Variants in GKAP1 observed in about 807,000 individuals in gnomAD.
GKAP1 encodes the protein G kinase anchoring protein 1.
A neutral mutation model predicts 56.7 loss-of-function variants in GKAP1; 31 were observed. The ratio of observed to expected loss-of-function variants is 0.55; its 90% CI spans 0.41 to 0.74. GKAP1 has a LOEUF of 0.74. Among genes scored for constraint, GKAP1 ranks in the 30% least tolerant of loss-of-function variants. The probability of loss-of-function intolerance (pLI) is 0.00; values close to 1 mark genes in which losing one functional copy is unlikely to be tolerated. For missense variants in GKAP1, 364 were observed against 402.3 expected (o/e 0.90, Z 0.82); for synonymous variants, 151 against 138.6 (o/e 1.09, Z -0.63).
intron 2 of GKAP1, among the ~76,000 whole-genome samples, chr9:83,813,229 T>C (rs1463222362): frequency 1.3e-5 from 2 of 152,250 alleles, no homozygotes; most frequent in Non-Finnish European, 2.9e-5. Flanking sequence ...TAGATGCTTC[T>C]ATGCTTAGAC....
intron 2 of GKAP1, among the ~76,000 whole-genome samples, chr9:83,808,718 G>A (rs181625090): frequency 6.6e-6 from 1 of 152,314 alleles, no homozygotes; most frequent in Non-Finnish European, 1.5e-5. Flanking sequence ...TTAATTGCAA[G>A]TGGCAGCTGT....
At chr9:83,774,045 T>C (rs898221908) in intron 7 of GKAP1, among the ~76,000 whole-genome samples, 2 of 151,982 alleles carry the variant, frequency 1.3e-5, no homozygotes, top group Non-Finnish European at 2.9e-5. Flanking sequence ...AATTTTTCTA[T>C]CTTTAGTAGA....
intron 9 of GKAP1, among the ~76,000 whole-genome samples, chr9:83,751,973 C>T (rs981202140): frequency 2.0e-5 from 3 of 152,090 alleles, no homozygotes; most frequent in East Asian, 1.9e-4. Context: ...TAGGTATGTA[C>T]ATACCCAAAA....
intron 2 of GKAP1, among the ~76,000 whole-genome samples, chr9:83,809,327 TC>T (rs1218564118): frequency 6.6e-6 from 1 of 152,236 alleles, no homozygotes; most frequent in Non-Finnish European, 1.5e-5. Context: ...AAGCCTCTGT[TC>T]CAGTCACTTC....
chr9:83,769,003 C>A (rs1943711650), intron 7 of GKAP1, 33 bp from the exon 8 acceptor site: 1 of 1,567,772 alleles, frequency 6.4e-7, no homozygotes, highest in Non-Finnish European at 8.7e-7. Flanking sequence ...TACTATCATT[C>A]AACATGCACT....
chr9:83,752,351 G>C (rs2131240472), intron 9 of GKAP1, among the ~76,000 whole-genome samples: 1 of 152,372 alleles, frequency 6.6e-6, no homozygotes, highest in Non-Finnish European at 1.5e-5. Context: ...AGGAGGTGGA[G>C]GTTGTGGTGA....
At chr9:83,765,859 G>A (rs1943654605) in intron 8 of GKAP1, among the ~76,000 whole-genome samples, 1 of 152,206 alleles carries the variant, frequency 6.6e-6, no homozygotes, top group Non-Finnish European at 1.5e-5. Context: ...AGGCAGAAGG[G>A]ACTTGCCTTA....
intron 8 of GKAP1, among the ~76,000 whole-genome samples, chr9:83,754,356 T>C (rs1307622218): frequency 1.3e-5 from 2 of 152,220 alleles, no homozygotes; most frequent in East Asian, 3.8e-4. Flanking sequence ...AGAATATAAA[T>C]GGTTCTATTT....
chr9:83,808,030 T>C (rs1180124145), intron 2 of GKAP1, among the ~76,000 whole-genome samples: 1 of 152,222 alleles, frequency 6.6e-6, no homozygotes, highest in Non-Finnish European at 1.5e-5. Context: ...GAAGATGCCA[T>C]CTAGTCGTCA....
chr9:83,790,176 G>A (rs994065172), intron 4 of GKAP1, among the ~76,000 whole-genome samples: 3 of 152,066 alleles, frequency 2.0e-5, no homozygotes, highest in East Asian at 1.9e-4. Flanking sequence ...AAAAACAATC[G>A]AATGCAGAAA....
intron 8 of GKAP1, among the ~76,000 whole-genome samples, chr9:83,761,065 T>C (rs1354094672): frequency 2.1e-5 from 3 of 141,056 alleles, no homozygotes; most frequent in Admixed American, 1.4e-4. Context: ...AAGAAATAAA[T>C]GAAATTGAAA....
chr9:83,776,911 G>A (rs1943872650), intron 7 of GKAP1, among the ~76,000 whole-genome samples: 1 of 115,766 alleles, frequency 8.6e-6, no homozygotes, highest in Admixed American at 1.1e-4. Flanking sequence ...TCAGCTAAAG[G>A]TAGACATGTG....
At chr9:83,739,765 AGG>A in intron 12 of GKAP1, 21 bp from the exon 13 acceptor site, 4 of 1,543,584 alleles carry the variant, frequency 2.6e-6, no homozygotes, top group Non-Finnish European at 3.6e-6. Flanking sequence ...AAAAAAAAAT[AGG>A]GAAAATTATT....
intron 2 of GKAP1, among the ~76,000 whole-genome samples, chr9:83,815,119 C>A (rs1041729783): frequency 6.6e-6 from 1 of 152,132 alleles, no homozygotes; most frequent in African/African-American, 2.4e-5. Flanking sequence ...TTGCAGTGAG[C>A]CAAGACTGCG....
intron 2 of GKAP1, among the ~76,000 whole-genome samples, chr9:83,814,405 T>G (rs1252672664): frequency 6.6e-6 from 1 of 152,236 alleles, no homozygotes; most frequent in Non-Finnish European, 1.5e-5. Flanking sequence ...AAAATCCTGC[T>G]CAGGTGCTAG....
chr9:83,806,239 G>C, intron 3 of GKAP1, 63 bp downstream of exon 3: 1 of 1,051,582 alleles, frequency 9.5e-7, no homozygotes, highest in Non-Finnish European at 1.4e-6. Flanking sequence ...GAACAAGATA[G>C]TATCTGTTCT....
At chr9:83,805,820 C>G (rs902800569) in intron 3 of GKAP1, among the ~76,000 whole-genome samples, 1 of 152,162 alleles carries the variant, frequency 6.6e-6, no homozygotes, top group Non-Finnish European at 1.5e-5. Context: ...AAAAAACGTA[C>G]TTTAAAAATG....
At chr9:83,780,208 A>G (rs753486888) in intron 7 of GKAP1, among the ~76,000 whole-genome samples, 174 bp downstream of exon 7, 1 of 152,076 alleles carries the variant, frequency 6.6e-6, no homozygotes, top group African/African-American at 2.4e-5. Flanking sequence ...TTATTCTACA[A>G]CAATGCATTT....
intron 7 of GKAP1, among the ~76,000 whole-genome samples, chr9:83,779,889 A>C (rs1214456910): frequency 2.6e-5 from 4 of 151,942 alleles, no homozygotes; most frequent in African/African-American, 9.7e-5. Context: ...CCAAATCCCC[A>C]ACACCAGGAA....
Sources: allele counts gnomAD v4.1 joint callset (sites outside exome capture counted in the v4.1 genomes callset), GRCh38; gene constraint gnomAD v4.1.1; transcripts MANE v1.5; gene names NCBI Gene and HGNC (gene_info 2026-07-23, HGNC 2026-07-21).